Variants in NR3C2 observed in about 807,000 individuals in gnomAD.
The protein encoded by NR3C2 is mineralocorticoid receptor.
In NR3C2, 15 loss-of-function variants were observed where a neutral mutation model predicts 86.4. The ratio of observed to expected loss-of-function variants is 0.17; its 90% confidence interval spans 0.12 to 0.27. The LOEUF (loss-of-function observed/expected upper bound fraction) is 0.27, where lower values mean the gene tolerates loss of function less well. NR3C2 is among the 10% of genes least tolerant of loss of function. The pLI, the probability that NR3C2 is intolerant of heterozygous loss-of-function variation, is 1.00. For synonymous variants in NR3C2, 458 were observed against 450.5 expected (o/e 1.02, Z -0.21); for missense variants, 960 against 1,195.6 (o/e 0.80, Z 2.91).
chr4:148,166,681 T>C (rs1734893426), intron 4 of NR3C2, among the ~76,000 whole-genome samples: 1 of 152,114 alleles, frequency 6.6e-6, no homozygotes, highest in Non-Finnish European at 1.5e-5. Flanking sequence ...ACCAACTCAC[T>C]GAAAATAAGC....
At chr4:148,171,137 C>A (rs1255343619) in intron 4 of NR3C2, among the ~76,000 whole-genome samples, 1 of 152,250 alleles carries the variant, frequency 6.6e-6, no homozygotes, top group Non-Finnish European at 1.5e-5. Context: ...ACACTTCCTT[C>A]AGCTGTGTTG....
chr4:148,172,526 T>G (rs537472001), intron 4 of NR3C2, among the ~76,000 whole-genome samples: 1 of 152,342 alleles, frequency 6.6e-6, no homozygotes, highest in South Asian at 2.1e-4. Flanking sequence ...AAAACTTTGT[T>G]AAAATACCAT....
intron 2 of NR3C2, among the ~76,000 whole-genome samples, chr4:148,331,209 T>C (rs1413772471): frequency 6.6e-6 from 1 of 152,232 alleles, no homozygotes; most frequent in Non-Finnish European, 1.5e-5. Flanking sequence ...TATGTCATTT[T>C]GCTAGTAGTA....
chr4:148,175,369 G>T (rs2149787244), intron 4 of NR3C2, among the ~76,000 whole-genome samples: 1 of 152,262 alleles, frequency 6.6e-6, no homozygotes, highest in South Asian at 2.1e-4. Flanking sequence ...AGAATCTCTA[G>T]GAGGAGGGCA....
intron 2 of NR3C2, among the ~76,000 whole-genome samples, chr4:148,348,747 A>G (rs1323355470): frequency 6.6e-6 from 1 of 152,134 alleles, no homozygotes; most frequent in South Asian, 2.1e-4. Flanking sequence ...AAGGGTTTTA[A>G]TATCCTATTC....
chr4:148,250,025 A>G (rs574146845), intron 3 of NR3C2, among the ~76,000 whole-genome samples: 5 of 152,340 alleles, frequency 3.3e-5, no homozygotes, highest in African/African-American at 1.2e-4. Flanking sequence ...CTTCTGGCTA[A>G]CATTCAAGGT....
intron 1 of NR3C2, among the ~76,000 whole-genome samples, chr4:148,437,517 C>A (rs1369270413): frequency 6.6e-6 from 1 of 152,146 alleles, no homozygotes; most frequent in African/African-American, 2.4e-5. Flanking sequence ...CTGAAAAGAT[C>A]TATACATTCT....
intron 2 of NR3C2, among the ~76,000 whole-genome samples, chr4:148,279,431 T>A (rs1741126217): frequency 6.6e-6 from 1 of 152,152 alleles, no homozygotes; most frequent in Non-Finnish European, 1.5e-5. Context: ...GAGCGATAAC[T>A]ATCGAGAATA....
chr4:148,132,820 G>T (rs1367667763), intron 6 of NR3C2, among the ~76,000 whole-genome samples: 1 of 152,172 alleles, frequency 6.6e-6, no homozygotes, highest in East Asian at 1.9e-4. Flanking sequence ...CCAACAGCAA[G>T]CTTGGAGACT....
At chr4:148,198,500 C>T (rs747048003) in intron 3 of NR3C2, among the ~76,000 whole-genome samples, 13 of 152,022 alleles carry the variant, frequency 8.6e-5, no homozygotes, top group Non-Finnish European at 1.8e-4. Context: ...GGACCAGCTT[C>T]GCAACCAGGG....
Position 148,197,524 on chromosome 4 carries a change from T to TG in NR3C2, c.1898-2663dup, listed in dbSNP as rs72653861. ...TAAATGTAACTAAGACTTTTTAGAT[T>TG]GTAGGCATACAGAATGGAAAAAAAT... On this transcript the variant is annotated intron_variant, in intron 3 of 8. Transcript: ENST00000358102. Among the ~76,000 whole-genome samples, 496 of 152,284 alleles carry TG rather than the reference T, an allele frequency of 3.3e-3. 1 individual carries two copies. Among genetic ancestry groups the TG allele is most frequent in the African/African-American group, 0.011 (478 of 41,570 alleles).
intron 3 of NR3C2, among the ~76,000 whole-genome samples, chr4:148,200,388 A>G (rs769088434): frequency 1.1e-4 from 16 of 147,204 alleles, no homozygotes; most frequent in Non-Finnish European, 1.9e-4. Flanking sequence ...TATATGCCCA[A>G]TTTTAAAGCT....
At chr4:148,152,286 T>C (rs1047855006) in intron 6 of NR3C2, 183 bp downstream of exon 6, 7 of 592,582 alleles carry the variant, frequency 1.2e-5, no homozygotes, top group Admixed American at 2.9e-5. Flanking sequence ...CTCAGAAGCA[T>C]ACAGTATAAT....
chr4:148,163,510 T>A (rs929399901), intron 4 of NR3C2, among the ~76,000 whole-genome samples: 1 of 152,174 alleles, frequency 6.6e-6, no homozygotes, highest in African/African-American at 2.4e-5. Context: ...GATCTCAGAA[T>A]GCCTGCTTGA....
chr4:148,390,212 T>G (rs950409784), intron 2 of NR3C2, among the ~76,000 whole-genome samples: 11 of 148,802 alleles, frequency 7.4e-5, no homozygotes, highest in Admixed American at 6.0e-4. Flanking sequence ...GCGGGAAATA[T>G]GATCAGGAAC....
intron 2 of NR3C2, among the ~76,000 whole-genome samples, chr4:148,282,137 C>G (rs1038169892): frequency 5.9e-5 from 9 of 152,138 alleles, no homozygotes; most frequent in Non-Finnish European, 1.3e-4. Context: ...TTAAGCAATT[C>G]TCCTGCCTCA....
chr4:148,420,672 T>C (rs1340314057), intron 2 of NR3C2, among the ~76,000 whole-genome samples: 1 of 152,200 alleles, frequency 6.6e-6, no homozygotes, highest in African/African-American at 2.4e-5. Context: ...CATGTCAAAC[T>C]GTAATCCCCA....
At chr4:148,407,212 C>A (rs1267808695) in intron 2 of NR3C2, among the ~76,000 whole-genome samples, 1 of 152,114 alleles carries the variant, frequency 6.6e-6, no homozygotes, top group African/African-American at 2.4e-5. Context: ...TAATTTCAAT[C>A]CAGTCACTAC....
intron 4 of NR3C2, among the ~76,000 whole-genome samples, chr4:148,183,886 C>T (rs137924501): frequency 7.2e-4 from 109 of 152,222 alleles, no homozygotes; most frequent in Non-Finnish European, 1.3e-3. Flanking sequence ...TAATTTCTTA[C>T]TATTATTGCT....
Sources: allele counts gnomAD v4.1 joint callset (sites outside exome capture counted in the v4.1 genomes callset), GRCh38; gene constraint gnomAD v4.1.1; transcripts MANE v1.5; gene names NCBI Gene and HGNC (gene_info 2026-07-23, HGNC 2026-07-21).